CYP39A1: variants seen among roughly 807,000 people sequenced by gnomAD.
The protein encoded by CYP39A1 is cytochrome P450 family 39 subfamily A member 1.
A neutral mutation model predicts 58.1 loss-of-function variants in CYP39A1; 49 were observed. That is an observed-to-expected ratio of 0.84 (90% CI 0.67 to 1.07). The LOEUF is 1.07. Ranked by LOEUF, CYP39A1 falls within the 50% of genes least tolerant of loss-of-function variation. The pLI, the probability that CYP39A1 is intolerant of heterozygous loss-of-function variation, is 0.00. For missense variants in CYP39A1, 531 were observed against 539.4 expected, an observed-to-expected ratio of 0.98 and a Z score of 0.16; for synonymous variants, 209 against 187.6, an observed-to-expected ratio of 1.11 and a Z score of -0.93.
At chr6:46,600,570 A>T (rs1039318176) in intron 7 of CYP39A1, among the ~76,000 whole-genome samples, 1 of 152,072 alleles carries the variant, frequency 6.6e-6, no homozygotes, top group African/African-American at 2.4e-5. Flanking sequence ...TGGGCTGGGG[A>T]TTCAGCTAGT....
intron 7 of CYP39A1, among the ~76,000 whole-genome samples, chr6:46,602,689 CAAA>C (rs35833432): frequency 8.5e-5 from 4 of 46,896 alleles, no homozygotes; most frequent in African/African-American, 3.3e-4. Flanking sequence ...GTGCACGTCT[CAAA>C]AAAAAAAAAA....
At chr6:46,641,671 TG>T (rs774566949) in intron 2 of CYP39A1, among the ~76,000 whole-genome samples, 1 of 152,128 alleles carries the variant, frequency 6.6e-6, no homozygotes, top group Non-Finnish European at 1.5e-5. Context: ...TCTCTGAAGA[TG>T]GAGGATTTGT....
intron 10 of CYP39A1, among the ~76,000 whole-genome samples, chr6:46,566,182 G>T (rs9381463): frequency 1.3e-5 from 2 of 152,018 alleles, no homozygotes; most frequent in Non-Finnish European, 2.9e-5. Context: ...TTGTTCTAAT[G>T]GTGATCCTAT....
intron 8 of CYP39A1, among the ~76,000 whole-genome samples, chr6:46,588,617 G>C (rs1233622055): frequency 1.3e-5 from 2 of 152,112 alleles, no homozygotes; most frequent in East Asian, 3.9e-4. Context: ...AAGAGGGGCA[G>C]AGGATGTCCT....
intron 7 of CYP39A1, among the ~76,000 whole-genome samples, chr6:46,612,532 G>T (rs997623549): frequency 3.9e-5 from 6 of 152,114 alleles, no homozygotes; most frequent in Admixed American, 3.9e-4. Flanking sequence ...TTTGTAAGAA[G>T]CTCCTCCATA....
chr6:46,651,882 T>A (rs962687961), intron 1 of CYP39A1, among the ~76,000 whole-genome samples: 2 of 152,174 alleles, frequency 1.3e-5, no homozygotes, highest in African/African-American at 4.8e-5. Flanking sequence ...CAAAAACATC[T>A]ACTACAAGGA....
chr6:46,647,549 T>G (rs1026697275), intron 1 of CYP39A1, among the ~76,000 whole-genome samples: 1 of 152,218 alleles, frequency 6.6e-6, no homozygotes, highest in Admixed American at 6.5e-5. Context: ...TTTCACATTC[T>G]ACACCTGTTG....
chr6:46,603,647 C>T (rs1773653254), intron 7 of CYP39A1, among the ~76,000 whole-genome samples: 1 of 152,158 alleles, frequency 6.6e-6, no homozygotes, highest in Non-Finnish European at 1.5e-5. Flanking sequence ...TTAACCTTGG[C>T]AAAATAAACC....
At chr6:46,559,297 G>A (rs1208052691) in intron 10 of CYP39A1, among the ~76,000 whole-genome samples, 1 of 152,118 alleles carries the variant, frequency 6.6e-6, no homozygotes, top group Admixed American at 6.6e-5. Context: ...GCTTCTCAGA[G>A]GAGGGATGAG....
At chr6:46,587,562 C>A (rs1405117769) in intron 9 of CYP39A1, among the ~76,000 whole-genome samples, 3 of 152,096 alleles carry the variant, frequency 2.0e-5, no homozygotes, top group African/African-American at 7.2e-5. Context: ...CATCTGGATG[C>A]CATTTTTGAC....
At chr6:46,649,155 T>C (rs922547627) in intron 1 of CYP39A1, among the ~76,000 whole-genome samples, 2 of 152,204 alleles carry the variant, frequency 1.3e-5, no homozygotes. Context: ...GCTGACACGG[T>C]TGGTGGCAGA....
At chr6:46,623,170 A>G (rs956526196) in intron 7 of CYP39A1, among the ~76,000 whole-genome samples, 6 of 149,548 alleles carry the variant, frequency 4.0e-5, no homozygotes, top group African/African-American at 1.5e-4. Context: ...TAATTTGTAC[A>G]TGTAACTTGA....
intron 9 of CYP39A1, among the ~76,000 whole-genome samples, chr6:46,587,625 G>A (rs1241366985): frequency 2.0e-5 from 3 of 152,026 alleles, no homozygotes; most frequent in South Asian, 2.1e-4. Flanking sequence ...CATTCTGTTC[G>A]GCCCTGTAAC....
intron 2 of CYP39A1, among the ~76,000 whole-genome samples, chr6:46,641,311 T>C (rs1040901247): frequency 2.6e-5 from 4 of 151,984 alleles, no homozygotes; most frequent in African/African-American, 7.2e-5. Flanking sequence ...AATAATCAAA[T>C]AATTTCACCA....
chr6:46,639,321 G>A (rs1197457671), intron 3 of CYP39A1, among the ~76,000 whole-genome samples, 173 bp downstream of exon 3: 4 of 144,782 alleles, frequency 2.8e-5, no homozygotes, highest in African/African-American at 1.0e-4. Flanking sequence ...TGGTGACAGA[G>A]CGAGACTCTA....
At chr6:46,647,765 A>C (rs1762418682) in intron 1 of CYP39A1, among the ~76,000 whole-genome samples, 1 of 152,232 alleles carries the variant, frequency 6.6e-6, no homozygotes, top group African/African-American at 2.4e-5. Context: ...TGTTGGTTGA[A>C]TAAATGTCTT....
chr6:46,617,648 G>A (rs1449671889), intron 7 of CYP39A1, among the ~76,000 whole-genome samples: 1 of 152,104 alleles, frequency 6.6e-6, no homozygotes, highest in Admixed American at 6.5e-5. Context: ...CAACTTTCAT[G>A]CCAAACAAAC....
intron 1 of CYP39A1, among the ~76,000 whole-genome samples, chr6:46,643,684 T>C (rs1483769886): frequency 1.3e-5 from 2 of 152,224 alleles, no homozygotes; most frequent in Non-Finnish European, 2.9e-5. Flanking sequence ...GCAGTTGAGA[T>C]AATTGTTGAT....
chr6:46,564,444 T>TC (rs1265406921), intron 10 of CYP39A1, among the ~76,000 whole-genome samples: 1 of 151,912 alleles, frequency 6.6e-6, no homozygotes, highest in Non-Finnish European at 1.5e-5. Context: ...GATCCGCCCA[T>TC]CTCAACCTCC....
Sources: allele counts gnomAD v4.1 joint callset (sites outside exome capture counted in the v4.1 genomes callset), GRCh38; gene constraint gnomAD v4.1.1; transcripts MANE v1.5; gene names NCBI Gene and HGNC (gene_info 2026-07-23, HGNC 2026-07-21).